Variants in PEPD observed in about 807,000 individuals in gnomAD.
PEPD encodes xaa-Pro dipeptidase.
In PEPD, 53 loss-of-function variants were observed where a neutral mutation model predicts 60.7. The ratio of observed to expected loss-of-function variants is 0.87; its 90% CI spans 0.70 to 1.10. The LOEUF is 1.10. PEPD is among the 50% of genes least tolerant of loss of function. The pLI, the probability that PEPD is intolerant of heterozygous loss-of-function variation, is 0.00. For synonymous variants in PEPD, 267 were observed against 284.1 expected (o/e 0.94, Z 0.60); for missense variants, 711 against 711.9 (o/e 1.00, Z 0.01).
At chr19:33,417,716 G>A (rs1418602828) in intron 9 of PEPD, among the ~76,000 whole-genome samples, 1 of 152,218 alleles carries the variant, frequency 6.6e-6, no homozygotes, top group Non-Finnish European at 1.5e-5. Context: ...CTGGAGGGAG[G>A]CTGGAGAATG....
In PEPD at chr19:33,413,737, A is replaced by G; in HGVS notation, c.672-94T>C. On this transcript the variant is annotated intron_variant, in intron 9 of 14. Coordinates refer to ENST00000244137, the MANE Select transcript of PEPD (RefSeq NM_000285.4). ...AACCCCAAGGGAAGGCCCTCGGCCC[A>G]TGGTCTCCCCTGCCGTGGCCCCACA... The G allele has an allele frequency of 6.5e-6, 5 of 764,922 alleles. No homozygotes were observed. The East Asian group carries it at 8.0e-5, about 12-fold the overall frequency. The allele number at this position is 764,922 out of a possible 1,614,324, so 47.4% of individuals were successfully genotyped here.
At chr19:33,413,492 G>C in intron 10 of PEPD, 83 bp downstream of exon 10, 1 of 785,772 alleles carries the variant, frequency 1.3e-6, no homozygotes, top group South Asian at 1.5e-5. Flanking sequence ...GGCTGAGCTG[G>C]GGGATGGTGG....
chr19:33,420,077 A>C (rs1404641345), intron 9 of PEPD, among the ~76,000 whole-genome samples: 1 of 152,264 alleles, frequency 6.6e-6, no homozygotes, highest in Non-Finnish European at 1.5e-5. Flanking sequence ...TGTATTAAGC[A>C]TAACTGAGGA....
chr19:33,482,030 TAAAC>T (rs1970321084), intron 6 of PEPD, among the ~76,000 whole-genome samples: 1 of 145,896 alleles, frequency 6.9e-6, no homozygotes, highest in African/African-American at 2.6e-5. Context: ...AACAAACAAA[TAAAC>T]AACAACAACA....
At chr19:33,456,463 A>G (rs1370838401) in intron 9 of PEPD, among the ~76,000 whole-genome samples, 1 of 152,282 alleles carries the variant, frequency 6.6e-6, no homozygotes, top group East Asian at 1.9e-4. Flanking sequence ...GACTGCTCTC[A>G]TGATAGGCTG....
intron 9 of PEPD, among the ~76,000 whole-genome samples, chr19:33,447,436 C>A (rs1969613632): frequency 6.6e-6 from 1 of 152,208 alleles, no homozygotes; most frequent in Non-Finnish European, 1.5e-5. Context: ...TCCCGCTGTC[C>A]CCCTGCCAAG....
At chr19:33,518,300 T>C (rs1041120326) in intron 1 of PEPD, among the ~76,000 whole-genome samples, 3 of 152,116 alleles carry the variant, frequency 2.0e-5, no homozygotes, top group Admixed American at 6.5e-5. Flanking sequence ...ACAGGGATAC[T>C]CAGTGGCCAG....
At chr19:33,390,060 T>C (rs2145324984) in intron 13 of PEPD, among the ~76,000 whole-genome samples, 1 of 152,344 alleles carries the variant, frequency 6.6e-6, no homozygotes, top group Middle Eastern at 3.4e-3. Flanking sequence ...GGCCTCAACT[T>C]TTATTGGGCT....
chr19:33,387,817 G>C (rs952406862), intron 14 of PEPD, 73 bp downstream of exon 14: 1 of 1,263,726 alleles, frequency 7.9e-7, no homozygotes, highest in African/African-American at 1.5e-5. Context: ...CCTGTCTTGG[G>C]ACTAAGGAGT....
rs1970696643 is a variant in PEPD, at chr19:33,500,921, A to T, written c.393+17T>A. On this transcript the variant is annotated intron_variant, in intron 4 of 14. Coordinates refer to ENST00000244137, the MANE Select transcript of PEPD (RefSeq NM_000285.4). ...CTGGAAGCCCTGGGCTGCTCAGAGG[A>T]GGAGCCGGCTACCCACCTCATCTAC... is the stretch of plus-strand genomic sequence containing the variant. The T allele has an allele frequency of 1.3e-6, 2 of 1,513,978 alleles. No homozygotes were observed. The highest frequency in any genetic ancestry group is 2.7e-5 in the African/African-American group (2 of 73,028). The allele number at this position is 1,513,978 out of a possible 1,614,324, so 93.8% of individuals were successfully genotyped here. A position where few individuals can be genotyped will look rare whatever the true frequency, so the allele number is the denominator to read the frequency against.
At chr19:33,509,799 A>G (rs1238018231) in intron 3 of PEPD, among the ~76,000 whole-genome samples, 2 of 152,206 alleles carry the variant, frequency 1.3e-5, no homozygotes, top group South Asian at 2.1e-4. Context: ...GGTTAAGTAC[A>G]GTGTCCGCCC....
At chr19:33,496,202 T>C (rs1600162581) in intron 4 of PEPD, among the ~76,000 whole-genome samples, 1 of 152,272 alleles carries the variant, frequency 6.6e-6, no homozygotes, top group South Asian at 2.1e-4. Flanking sequence ...ACTTGGGGAT[T>C]GTATCTGCTA....
chr19:33,444,304 C>G (rs1015696566), intron 9 of PEPD, among the ~76,000 whole-genome samples: 1 of 152,086 alleles, frequency 6.6e-6, no homozygotes, highest in Non-Finnish European at 1.5e-5. Context: ...CTGGGGATCT[C>G]TCTCCATTCA....
chr19:33,516,017 T>C (rs997032127), intron 1 of PEPD, among the ~76,000 whole-genome samples: 6 of 152,000 alleles, frequency 3.9e-5, no homozygotes, highest in African/African-American at 1.5e-4. Flanking sequence ...TCTACAACCA[T>C]GCTTATTTCT....
intron 12 of PEPD, among the ~76,000 whole-genome samples, chr19:33,397,578 T>C (rs1187558229): frequency 6.6e-6 from 1 of 150,820 alleles, no homozygotes; most frequent in East Asian, 2.0e-4. Flanking sequence ...GGGACACCAA[T>C]GCCACACAGC....
chr19:33,457,011 C>T (rs1568481166), intron 9 of PEPD, among the ~76,000 whole-genome samples: 1 of 150,864 alleles, frequency 6.6e-6, no homozygotes, highest in African/African-American at 2.4e-5. Context: ...AGGTGTCTCA[C>T]CATCCACCCA....
At chr19:33,480,984 A>G (rs890846718) in intron 6 of PEPD, among the ~76,000 whole-genome samples, 4 of 152,172 alleles carry the variant, frequency 2.6e-5, no homozygotes, top group Admixed American at 6.5e-5. Flanking sequence ...CAAAAGACTG[A>G]AATCACACTA....
At chr19:33,476,812 C>T (rs1020363089) in intron 7 of PEPD, among the ~76,000 whole-genome samples, 6 of 151,976 alleles carry the variant, frequency 3.9e-5, no homozygotes, top group Non-Finnish European at 7.4e-5. Context: ...TACAGGTGCC[C>T]GCCACCATGC....
chr19:33,440,528 C>T (rs987941748), intron 9 of PEPD, among the ~76,000 whole-genome samples: 4 of 152,026 alleles, frequency 2.6e-5, no homozygotes, highest in African/African-American at 9.7e-5. Context: ...CTCCCACCTT[C>T]AGTCCTCTCC....
Sources: allele counts gnomAD v4.1 joint callset (sites outside exome capture counted in the v4.1 genomes callset), GRCh38; gene constraint gnomAD v4.1.1; transcripts MANE v1.5; gene names NCBI Gene and HGNC (gene_info 2026-07-23, HGNC 2026-07-21).